The following ZBTB20 variants were observed in gnomAD, a reference collection of about 807,000 sequenced individuals.
ZBTB20 encodes zinc finger and BTB domain containing 20.
Under a neutral mutation model 56.9 loss-of-function variants are expected in ZBTB20, and 9 were observed. The observed-to-expected ratio is 0.16, with a 90% CI of 0.10 to 0.28. The LOEUF (loss-of-function observed/expected upper bound fraction) is 0.28, where lower values mean the gene tolerates loss of function less well. Among genes scored for constraint, ZBTB20 ranks in the 10% least tolerant of loss-of-function variants. The pLI, the probability that ZBTB20 is intolerant of heterozygous loss-of-function variation, is 1.00. For missense variants in ZBTB20, 655 were observed against 1,003.0 expected (o/e 0.65, Z 4.69); for synonymous variants, 417 against 420.7 (o/e 0.99, Z 0.11).
intron 6 of ZBTB20, among the ~76,000 whole-genome samples, chr3:114,505,547 T>C (rs1279543978): frequency 6.6e-6 from 1 of 152,144 alleles, no homozygotes. Context: ...TTATTTCCAA[T>C]CTTAATTAAT....
chr3:115,005,247 A>T (rs1435438865), intron 2 of ZBTB20, among the ~76,000 whole-genome samples: 1 of 151,776 alleles, frequency 6.6e-6, no homozygotes, highest in East Asian at 2.0e-4. Context: ...TGTTGTAATT[A>T]ATTGGTCATT....
At chr3:114,504,552 C>T (rs1452605087) in intron 6 of ZBTB20, among the ~76,000 whole-genome samples, 1 of 152,188 alleles carries the variant, frequency 6.6e-6, no homozygotes, top group Admixed American at 6.5e-5. Flanking sequence ...AAAACAGATA[C>T]TGTTCTTGTC....
At position 114,332,910 on chromosome 3, in the gene ZBTB20, GC is replaced by G. The variant is rs2079313998; in HGVS notation, c.*6094del. The G allele has an allele frequency of 6.6e-6, 1 of 152,160 alleles. No individual in the cohort carries two copies. Among genetic ancestry groups the G allele is most frequent in the South Asian group, 2.1e-4 (1 of 4,832 alleles). 9.4% of individuals were successfully genotyped at this position (152,160 alleles called of 1,614,324 possible). A position where few individuals can be genotyped will look rare whatever the true frequency, so the allele number is the denominator to read the frequency against. On this transcript the variant is annotated 3_prime_UTR_variant, in exon 12 of 12. Coordinates refer to ENST00000675478, the MANE Select transcript of ZBTB20 (RefSeq NM_001348800.3). ...AACCCAGGGCATTTTTACCCATCAT[GC>G]AGTGAGGAGAAAATACATAGTTCTG...
At chr3:114,528,089 C>T (rs1261499528) in intron 6 of ZBTB20, among the ~76,000 whole-genome samples, 2 of 151,030 alleles carry the variant, frequency 1.3e-5, no homozygotes, top group Non-Finnish European at 2.9e-5. Flanking sequence ...AAAGAACTGA[C>T]CTTATGATTT....
chr3:114,968,720 T>A (rs889340640), intron 3 of ZBTB20, among the ~76,000 whole-genome samples: 28 of 152,204 alleles, frequency 1.8e-4, no homozygotes, highest in Non-Finnish European at 1.3e-4. Flanking sequence ...TAAATAATCA[T>A]CAAAAGAAAT....
At chr3:114,772,118 T>C (rs1409819129) in intron 5 of ZBTB20, among the ~76,000 whole-genome samples, 2 of 152,140 alleles carry the variant, frequency 1.3e-5, no homozygotes, top group African/African-American at 4.8e-5. Context: ...GGCAGGCAGA[T>C]TGCCTGAGGT....
intron 2 of ZBTB20, among the ~76,000 whole-genome samples, chr3:115,048,252 C>A (rs531339656): frequency 6.6e-6 from 1 of 152,012 alleles, no homozygotes; most frequent in Admixed American, 6.6e-5. Flanking sequence ...AAAGAGCTAG[C>A]AAAATTTTCT....
intron 10 of ZBTB20, among the ~76,000 whole-genome samples, chr3:114,369,844 C>T (rs1251183087): frequency 6.6e-6 from 1 of 152,068 alleles, no homozygotes; most frequent in Non-Finnish European, 1.5e-5. Context: ...ATTTCAAAAA[C>T]AATTGTTTTT....
At chr3:114,739,492 T>A (rs2066422620) in intron 5 of ZBTB20, among the ~76,000 whole-genome samples, 1 of 152,226 alleles carries the variant, frequency 6.6e-6, no homozygotes, top group South Asian at 2.1e-4. Context: ...TCTGTGGCTC[T>A]GCCTTTGTGG....
intron 6 of ZBTB20, among the ~76,000 whole-genome samples, chr3:114,623,540 G>GGA (rs1267939563): frequency 2.0e-5 from 3 of 152,248 alleles, no homozygotes; most frequent in African/African-American, 7.2e-5. Flanking sequence ...ATTTTCCAAA[G>GGA]GTCGGGTGTG....
intron 5 of ZBTB20, among the ~76,000 whole-genome samples, chr3:114,778,746 T>C (rs937256693): frequency 6.6e-6 from 1 of 152,180 alleles, no homozygotes; most frequent in African/African-American, 2.4e-5. Flanking sequence ...AATCCTTCTT[T>C]TGGAGAAAAT....
chr3:115,004,608 G>A (rs1036971877), intron 2 of ZBTB20, among the ~76,000 whole-genome samples: 1 of 151,578 alleles, frequency 6.6e-6, no homozygotes, highest in South Asian at 2.1e-4. Flanking sequence ...CCTTTCTTGG[G>A]TGCCATTCCT....
intron 4 of ZBTB20, among the ~76,000 whole-genome samples, chr3:114,869,339 T>C (rs1050746512): frequency 6.6e-6 from 1 of 152,172 alleles, no homozygotes; most frequent in African/African-American, 2.4e-5. Context: ...AATAGTCTTT[T>C]ATTAATTCTC....
intron 10 of ZBTB20, among the ~76,000 whole-genome samples, chr3:114,372,498 G>C (rs1243106882): frequency 6.6e-6 from 1 of 152,198 alleles, no homozygotes; most frequent in Non-Finnish European, 1.5e-5. Context: ...GACACCTGTA[G>C]GTGACTCTGG....
chr3:114,342,526 A>G (rs1264220522), intron 11 of ZBTB20, among the ~76,000 whole-genome samples: 2 of 152,190 alleles, frequency 1.3e-5, no homozygotes, highest in Non-Finnish European at 2.9e-5. Flanking sequence ...TATGAATTCC[A>G]TTTCCTTGGC....
chr3:114,723,242 GA>G (rs1339487914), intron 5 of ZBTB20, among the ~76,000 whole-genome samples: 1 of 151,550 alleles, frequency 6.6e-6, no homozygotes, highest in Non-Finnish European at 1.5e-5. Context: ...AAATGTCTGT[GA>G]AAAAAATCAG....
At position 114,605,082 on chromosome 3, in the gene ZBTB20, G is replaced by T. The variant is rs535585644; in HGVS notation, c.-295+88446C>A. Among the ~76,000 whole-genome samples the T allele has an allele frequency of 2.5e-4, 38 of 152,056 alleles. No individual in the cohort carries two copies. In the East Asian group the frequency reaches 6.2e-3, roughly 25 times the overall value. On this transcript the variant is annotated intron_variant, in intron 6 of 11. Transcript: ENST00000675478. ...GTATGCATAACATTCTTAACAGGAG[G>T]CAGAATACATCATTAGGCAGATGAT... is the stretch of plus-strand genomic sequence containing the variant.
At chr3:115,005,812 C>A (rs1289155601) in intron 2 of ZBTB20, among the ~76,000 whole-genome samples, 1 of 151,748 alleles carries the variant, frequency 6.6e-6, no homozygotes, top group Non-Finnish European at 1.5e-5. Flanking sequence ...TAATTCCAAT[C>A]CATTCTGCAC....
chr3:114,448,582 T>C (rs1156558908), intron 7 of ZBTB20, among the ~76,000 whole-genome samples: 1 of 152,056 alleles, frequency 6.6e-6, no homozygotes, highest in East Asian at 1.9e-4. Context: ...ATATCACATA[T>C]AGGAAAAGAT....
Sources: gnomAD v4.1 joint callset for allele counts (sites outside exome capture counted in the v4.1 genomes callset) on GRCh38, gnomAD v4.1.1 for gene constraint, MANE v1.5 for transcripts, NCBI Gene and HGNC (gene_info 2026-07-23, HGNC 2026-07-21) for gene names.